PRKACB: variants seen among roughly 807,000 people sequenced by gnomAD.
PRKACB encodes protein kinase cAMP-activated catalytic subunit beta.
A neutral mutation model predicts 51.4 loss-of-function variants in PRKACB; 16 were observed. That is an observed-to-expected ratio of 0.31 (90% CI 0.21 to 0.47). The LOEUF (loss-of-function observed/expected upper bound fraction) is 0.47, where lower values mean the gene tolerates loss of function less well. Ranked by LOEUF, PRKACB falls within the 20% of genes least tolerant of loss-of-function variation. PRKACB has a pLI of 1.00. For synonymous variants in PRKACB, 147 were observed against 154.4 expected (o/e 0.95, Z 0.35); for missense variants, 309 against 464.5 (o/e 0.67, Z 3.08).
At chr1:84,198,215 G>T (rs1303487863) in intron 7 of PRKACB, among the ~76,000 whole-genome samples, 2 of 152,086 alleles carry the variant, frequency 1.3e-5, no homozygotes, top group East Asian at 3.8e-4. Flanking sequence ...AAATTTACCA[G>T]TTAAATAAAA....
intron 1 of PRKACB, among the ~76,000 whole-genome samples, chr1:84,089,559 A>G (rs1294493849): frequency 6.6e-6 from 1 of 152,036 alleles, no homozygotes; most frequent in Non-Finnish European, 1.5e-5. Context: ...CTTACTTCTT[A>G]TTCATCAAAT....
chr1:84,216,666 C>G (rs895684059), intron 9 of PRKACB, among the ~76,000 whole-genome samples: 1 of 152,188 alleles, frequency 6.6e-6, no homozygotes, highest in African/African-American at 2.4e-5. Flanking sequence ...CTCCCTATAA[C>G]TTCTCTTTTC....
intron 7 of PRKACB, among the ~76,000 whole-genome samples, chr1:84,200,191 G>A (rs1159674203): frequency 6.6e-6 from 1 of 152,142 alleles, no homozygotes; most frequent in Admixed American, 6.5e-5. Context: ...GGTGTGGAAT[G>A]GTATCTCATT....
At chr1:84,179,867 T>C (rs1426647120) in intron 2 of PRKACB, among the ~76,000 whole-genome samples, 5 of 151,522 alleles carry the variant, frequency 3.3e-5, no homozygotes, top group Non-Finnish European at 7.4e-5. Flanking sequence ...TACATAGGTA[T>C]AAATATGCCA....
chr1:84,164,340 G>C (rs1656715395), intron 1 of PRKACB: 2 of 1,547,592 alleles, frequency 1.3e-6, no homozygotes, highest in Admixed American at 2.0e-5. Flanking sequence ...TCCACAGCTA[G>C]CAGTAAGAGC....
chr1:84,095,592 CA>C (rs1648867674), intron 1 of PRKACB, among the ~76,000 whole-genome samples: 2 of 151,894 alleles, frequency 1.3e-5, no homozygotes, highest in South Asian at 4.1e-4. Flanking sequence ...TGGTTTTCAG[CA>C]GTTTCACAAT....
At chr1:84,113,680 G>C (rs1319553583) in intron 1 of PRKACB, among the ~76,000 whole-genome samples, 1 of 152,102 alleles carries the variant, frequency 6.6e-6, no homozygotes. Context: ...AAAAGAACAA[G>C]GAATCAATAC....
intron 7 of PRKACB, among the ~76,000 whole-genome samples, chr1:84,200,576 G>A (rs2101367360): frequency 6.6e-6 from 1 of 152,226 alleles, no homozygotes; most frequent in Middle Eastern, 3.4e-3. Flanking sequence ...TGTCCAGGGT[G>A]GCATTGCCTA....
At chr1:84,165,067 A>G in intron 1 of PRKACB, 1 of 1,340,344 alleles carries the variant, frequency 7.5e-7, no homozygotes. Context: ...TATATTTATA[A>G]GAGGAAAAAA....
At chr1:84,115,880 T>C (rs1175995853) in intron 1 of PRKACB, among the ~76,000 whole-genome samples, 1 of 50,384 alleles carries the variant, frequency 2.0e-5, no homozygotes, top group African/African-American at 6.9e-5. Flanking sequence ...GAAAAAACTC[T>C]TGTCTCAAAA....
intron 1 of PRKACB, among the ~76,000 whole-genome samples, chr1:84,087,652 A>G (rs1303290058): frequency 6.6e-6 from 1 of 152,098 alleles, no homozygotes; most frequent in Non-Finnish European, 1.5e-5. Flanking sequence ...CGTAGCTGGG[A>G]CTGCAGGTGT....
intron 1 of PRKACB, among the ~76,000 whole-genome samples, chr1:84,168,385 CCTAGTT>C (rs944775628): frequency 1.5e-4 from 22 of 151,494 alleles, no homozygotes; most frequent in African/African-American, 5.3e-4. Flanking sequence ...TATGTGCTCT[CCTAGTT>C]CATGTGCTTT....
intron 1 of PRKACB, among the ~76,000 whole-genome samples, chr1:84,112,930 G>A (rs1284512163): frequency 1.3e-5 from 2 of 152,102 alleles, no homozygotes; most frequent in Admixed American, 1.3e-4. Context: ...CCCTAAGGAG[G>A]TTAGTAGGAA....
At chr1:84,078,090 C>T, upstream of PRKACB, 2 of 408,204 alleles carry the variant, frequency 4.9e-6, no homozygotes, top group Non-Finnish European at 8.4e-6. Flanking sequence ...CTGCTGCTGC[C>T]ACCGCCGTCG....
exon 1 of PRKACB, chr1:84,078,206 G>T (rs1328439315): frequency 3.4e-6 from 4 of 1,174,978 alleles, no homozygotes; most frequent in South Asian, 3.1e-5. Context: ...TGGCGCCAGC[G>T]CTAGGCGCAC....
chr1:84,096,127 G>C (rs777887952), intron 1 of PRKACB, among the ~76,000 whole-genome samples: 1 of 151,890 alleles, frequency 6.6e-6, no homozygotes, highest in Non-Finnish European at 1.5e-5. Context: ...CTTGTTGGCT[G>C]TTCTCAGTCT....
chr1:84,133,732 C>T (rs982561734), intron 1 of PRKACB, among the ~76,000 whole-genome samples: 4 of 152,218 alleles, frequency 2.6e-5, no homozygotes, highest in African/African-American at 7.2e-5. Flanking sequence ...CTGGGCACTG[C>T]CAGGAGCCAA....
chr1:84,189,271 A>G (rs2101076709), intron 5 of PRKACB, among the ~76,000 whole-genome samples: 1 of 151,994 alleles, frequency 6.6e-6, no homozygotes, highest in Non-Finnish European at 1.5e-5. Context: ...CAAGAAGAGG[A>G]CTATCTTGAG....
At chr1:84,164,963 A>G (rs772144248) in intron 1 of PRKACB, 1 of 1,541,508 alleles carries the variant, frequency 6.5e-7, no homozygotes, top group South Asian at 1.2e-5. Flanking sequence ...TTGCTGTTGG[A>G]TTGTTATTTT....
Sources: allele counts gnomAD v4.1 joint callset (sites outside exome capture counted in the v4.1 genomes callset), GRCh38; gene constraint gnomAD v4.1.1; transcripts MANE v1.5; gene names NCBI Gene and HGNC (gene_info 2026-07-23, HGNC 2026-07-21).